The following PHAX variants were observed in gnomAD, a reference collection of about 807,000 sequenced individuals.
PHAX encodes the protein phosphorylated adapter RNA export protein.
PHAX carries 31 observed loss-of-function variants against 41.6 expected under a neutral mutation model. That is an observed-to-expected ratio of 0.75 (90% CI 0.56 to 1.01). The LOEUF is 1.01. PHAX is among the 50% of genes least tolerant of loss of function. The pLI is 0.00. For synonymous variants in PHAX, 175 were observed against 164.9 expected, an observed-to-expected ratio of 1.06 and a Z score of -0.47; for missense variants, 453 against 472.9, an observed-to-expected ratio of 0.96 and a Z score of 0.39.
intron 4 of PHAX, among the ~76,000 whole-genome samples, chr5:126,621,506 A>G (rs1752271826): frequency 6.6e-6 from 1 of 152,086 alleles, no homozygotes; most frequent in Non-Finnish European, 1.5e-5. Context: ...TTTATTATAG[A>G]TCATTTATTT....
chr5:126,624,986 G>A lies in PHAX; in HGVS notation c.*142G>A. 2.8e-6 allele frequency: 2 copies of A among 703,972 alleles called. No homozygotes were observed. The highest frequency in any genetic ancestry group is 4.6e-6 in the Non-Finnish European group (2 of 434,600). 43.6% of individuals were successfully genotyped at this position (703,972 alleles called of 1,614,324 possible). A position where few individuals can be genotyped will look rare whatever the true frequency, so the allele number is the denominator to read the frequency against. On this transcript the variant is annotated 3_prime_UTR_variant, in exon 5 of 5. Transcript: ENST00000297540. Reference sequence around the variant, plus strand: ...TTGTTTTCTTGTTTAAAATATGTGTGGAAAGGAATGCAATTGATAGAACAT... The same window carrying A: ...TTGTTTTCTTGTTTAAAATATGTGTAGAAAGGAATGCAATTGATAGAACAT...
intron 4 of PHAX, among the ~76,000 whole-genome samples, chr5:126,620,761 A>G (rs1251594587): frequency 6.6e-6 from 1 of 152,056 alleles, no homozygotes; most frequent in Non-Finnish European, 1.5e-5. Flanking sequence ...TTTTTTTGAG[A>G]CAGAGTCTCA....
rs181483484 is a variant in PHAX at position 126,604,215 on chromosome 5, C to T, written c.710+32C>T. 7.4e-6 allele frequency: 11 copies of T among 1,495,032 alleles called. No homozygotes were observed. The East Asian group carries it at 2.1e-4, about 28-fold the overall frequency. The allele number at this position is 1,495,032 out of a possible 1,614,324, so 92.6% of individuals were successfully genotyped here. A position where few individuals can be genotyped will look rare whatever the true frequency, so the allele number is the denominator to read the frequency against. ...ATTTGAATTACAAATAAGTACTTGA[C>T]CAGATGGCTTCTATTTACAGGAAAT... is the stretch of plus-strand genomic sequence containing the variant. On this transcript the variant is annotated intron_variant, in intron 2 of 4. Coordinates refer to ENST00000297540, the MANE Select transcript of PHAX (RefSeq NM_032177.4).
At chr5:126,617,854 T>C (rs1035897223) in intron 4 of PHAX, among the ~76,000 whole-genome samples, 4 of 151,748 alleles carry the variant, frequency 2.6e-5, no homozygotes, top group Admixed American at 6.6e-5. Context: ...GCTCAAGCAA[T>C]CCTCCTGCCC....
chr5:126,627,045 C>T lies in PHAX; in HGVS notation c.*2201C>T, dbSNP rs972672752. On this transcript the variant is annotated 3_prime_UTR_variant, in exon 5 of 5. Coordinates refer to ENST00000297540, the MANE Select transcript of PHAX (RefSeq NM_032177.4). ...CAAAAATATATTAAGCAAAAATATG[C>T]TTGATATATTAAGCAGAAATGTTGT... 1 of 152,020 alleles carries T rather than the reference C, an allele frequency of 6.6e-6. No homozygotes were observed. The highest frequency in any genetic ancestry group is 2.4e-5 in the African/African-American group (1 of 41,388). The allele number at this position is 152,020 out of a possible 1,614,324, so 9.4% of individuals were successfully genotyped here.
intron 3 of PHAX, among the ~76,000 whole-genome samples, chr5:126,616,095 CAA>C (rs35851157): frequency 8.0e-6 from 1 of 124,556 alleles, no homozygotes. Flanking sequence ...GACTTTGTCT[CAA>C]AAAAAAAAAA....
chr5:126,626,407 T>C lies in PHAX; in HGVS notation c.*1563T>C, dbSNP rs1752352239. ...TCAGGAGTTCAAAACCAACCTGGTC[T>C]ACATGGTGAAACCCCATCTCAACTA... On this transcript the variant is annotated 3_prime_UTR_variant, in exon 5 of 5. Transcript: ENST00000297540. The C allele has an allele frequency of 6.6e-6, 1 of 151,922 alleles. No individual in the cohort carries two copies. Among genetic ancestry groups the C allele is most frequent in the Non-Finnish European group, 1.5e-5 (1 of 68,018 alleles). 9.4% of individuals were successfully genotyped at this position (151,922 alleles called of 1,614,324 possible).
At chr5:126,616,929 T>A (rs1236366948) in intron 3 of PHAX, among the ~76,000 whole-genome samples, 2 of 151,704 alleles carry the variant, frequency 1.3e-5, no homozygotes, top group Non-Finnish European at 2.9e-5. Flanking sequence ...AGGTGGCAGA[T>A]TAAAACAGAA....
intron 2 of PHAX, among the ~76,000 whole-genome samples, chr5:126,607,785 A>G (rs2112830869): frequency 6.6e-6 from 1 of 152,300 alleles, no homozygotes; most frequent in Non-Finnish European, 1.5e-5. Context: ...CTCAGTGACA[A>G]AATGAAAACG....
Position 126,603,938 on chromosome 5 carries a change from G to A in PHAX, c.465G>A (p.Leu155=), listed in dbSNP as rs1297677123. The A allele has an allele frequency of 1.2e-6, 2 of 1,613,970 alleles. No individual in the cohort carries two copies. The highest frequency in any genetic ancestry group is 4.5e-5 in the East Asian group (2 of 44,898). The change falls in exon 2 of 5, where the codon TTG becomes TTA. Residue 155 remains leucine, a synonymous_variant. Transcript: ENST00000297540. ...RSRQSETYNY[L]LAKKLRKESQ... ...GACAATCCGAGACCTACAATTATTT[G>A]CTTGCCAAGAAACTTAGGAAGGAAT...
chr5:126,615,031 G>A (rs931675534), intron 3 of PHAX, among the ~76,000 whole-genome samples: 10 of 151,936 alleles, frequency 6.6e-5, no homozygotes, highest in Non-Finnish European at 1.2e-4. Context: ...GATTACAGGC[G>A]TGAGCCACCG....
chr5:126,613,775 C>CT (rs70994881), intron 3 of PHAX, among the ~76,000 whole-genome samples: 38,677 of 146,466 alleles, frequency 0.26, 6,442 homozygotes, highest in African/African-American at 0.46. Flanking sequence ...TTCTTTCTTT[C>CT]TTTTTTTTTT....
At chr5:126,604,229 T>A in intron 2 of PHAX, 46 bp downstream of exon 2, 1 of 1,466,628 alleles carries the variant, frequency 6.8e-7, no homozygotes. Context: ...ATGGCTTCTA[T>A]TTACAGGAAA....
intron 2 of PHAX, 94 bp from the exon 3 acceptor site, chr5:126,608,270 T>G: frequency 1.4e-6 from 2 of 1,418,452 alleles, no homozygotes; most frequent in African/African-American, 2.9e-5. Flanking sequence ...CAAAAGTTAC[T>G]AGAATCAGAT....
intron 3 of PHAX, among the ~76,000 whole-genome samples, chr5:126,611,148 C>T (rs990142427): frequency 6.6e-6 from 1 of 151,788 alleles, no homozygotes; most frequent in South Asian, 2.1e-4. Context: ...CTCTGCCTCC[C>T]GGGTTCAAGC....
At chr5:126,601,593 C>G (rs1751904944) in intron 1 of PHAX, among the ~76,000 whole-genome samples, 5 of 152,282 alleles carry the variant, frequency 3.3e-5, no homozygotes, top group South Asian at 4.1e-4. Context: ...ACTCAAAGAT[C>G]TGGTTTTCCA....
intron 3 of PHAX, among the ~76,000 whole-genome samples, chr5:126,611,158 C>T (rs1250968207): frequency 6.6e-6 from 1 of 152,024 alleles, no homozygotes; most frequent in East Asian, 1.9e-4. Flanking sequence ...CGGGTTCAAG[C>T]GATTCTCCTG....
In PHAX at chr5:126,604,163, G is replaced by C. The variant is rs1751952797; in HGVS notation, c.690G>C (p.Val230=). The change falls in exon 2 of 5, where the codon GTG becomes GTC. Residue 230 remains valine, a synonymous_variant. Transcript: ENST00000297540. ...CAGCGGAAGATTCTCAAGAGAAAGT[G>C]GCTGATGAAATTTCATTCAGGTGAG... ...EITAEDSQEK[V]ADEISFRLQE... is the part of the protein sequence containing the mutation. 6.5e-7 allele frequency: 1 copy of C among 1,531,412 alleles called. No homozygotes were observed. The highest frequency in any genetic ancestry group is 2.2e-5 in the Admixed American group (1 of 45,710). The allele number at this position is 1,531,412 out of a possible 1,614,324, so 94.9% of individuals were successfully genotyped here.
intron 4 of PHAX, among the ~76,000 whole-genome samples, chr5:126,621,216 T>C (rs940966856): frequency 1.7e-4 from 26 of 151,834 alleles, no homozygotes; most frequent in African/African-American, 6.1e-4. Flanking sequence ...AAGAGGTAGG[T>C]CTCCTGCTAT....
Sources: allele counts gnomAD v4.1 joint callset (sites outside exome capture counted in the v4.1 genomes callset), GRCh38; gene constraint gnomAD v4.1.1; transcripts MANE v1.5; gene names NCBI Gene and HGNC (gene_info 2026-07-23, HGNC 2026-07-21).